Variants in PAK3 observed in about 807,000 individuals in gnomAD.
The protein encoded by PAK3 is serine/threonine-protein kinase PAK 3.
A neutral mutation model predicts 41.0 loss-of-function variants in PAK3; 4 were observed. The observed-to-expected ratio is 0.10, with a 90% CI of 0.05 to 0.22. PAK3 has a LOEUF of 0.22. PAK3 is among the 10% of genes least tolerant of loss of function. The pLI is 1.00. For synonymous variants in PAK3, 146 were observed against 139.6 expected (o/e 1.05, Z -0.32); for missense variants, 205 against 409.9 (o/e 0.50, Z 4.32).
chrX:111,129,995 A>G (rs1439867348), intron 5 of PAK3, among the ~76,000 whole-genome samples: 1 of 112,086 alleles, frequency 8.9e-6, no homozygotes, highest in Non-Finnish European at 1.9e-5. Flanking sequence ...CCACATGATC[A>G]GAAGTGTCTA....
chrX:111,143,835 T>C (rs1251374200), intron 6 of PAK3, among the ~76,000 whole-genome samples: 1 of 112,033 alleles, frequency 8.9e-6, no homozygotes, highest in Non-Finnish European at 1.9e-5. Flanking sequence ...TCTGTGCTTT[T>C]CCTCATTTAA....
chrX:111,023,609 T>C (rs1176664852), intron 1 of PAK3, among the ~76,000 whole-genome samples: 3 of 112,431 alleles, frequency 2.7e-5, no homozygotes, highest in Non-Finnish European at 5.6e-5. Context: ...TAGTATCTCA[T>C]TGTGGTTTTG....
At chrX:110,972,317 C>T (rs1191985884) in intron 1 of PAK3, among the ~76,000 whole-genome samples, 1 of 111,270 alleles carries the variant, frequency 9.0e-6, no homozygotes, top group Admixed American at 9.6e-5. Context: ...GGGACACCTC[C>T]CAGTAGGGAG....
At chrX:111,126,605 A>G (rs1347949733) in intron 5 of PAK3, among the ~76,000 whole-genome samples, 1 of 111,436 alleles carries the variant, frequency 9.0e-6, no homozygotes, top group Non-Finnish European at 1.9e-5. Context: ...CCTCAGTTTC[A>G]TCACCTGTTA....
At chrX:111,181,833 A>C (rs1303146527) in intron 11 of PAK3, among the ~76,000 whole-genome samples, 1 of 110,144 alleles carries the variant, frequency 9.1e-6, no homozygotes, top group Non-Finnish European at 1.9e-5. Context: ...CCACCCCAAA[A>C]GTATTTGCTT....
At position 111,219,238 on chromosome X, in the gene PAK3, G is replaced by T. The variant is rs190191579; in HGVS notation, c.1546-1120G>T. Among the ~76,000 whole-genome samples, 547 of 79,666 alleles carry T rather than the reference G, an allele frequency of 6.9e-3. 2 individuals carry two copies. Among genetic ancestry groups the T allele is most frequent in the Middle Eastern group, 0.025 (4 of 160 alleles). 69.2% of individuals were successfully genotyped at this position (79,666 alleles called of 115,157 possible). ...ATAATAATAATAATAATAATAATAA[G>T]CAAGAGATAAATGTAAGAGACGTTG... is the stretch of plus-strand genomic sequence containing the variant. On this transcript the variant is annotated intron_variant, in intron 17 of 17. Transcript: ENST00000372007.
chrX:110,946,256 C>T, intron 1 of PAK3, among the ~76,000 whole-genome samples: 1 of 110,636 alleles, frequency 9.0e-6, no homozygotes, highest in Middle Eastern at 4.6e-3. Flanking sequence ...GTAGAGAGGT[C>T]ATAGTTAAGT....
At chrX:111,212,729 G>A (rs747778924) in intron 16 of PAK3, among the ~76,000 whole-genome samples, 2 of 111,864 alleles carry the variant, frequency 1.8e-5, no homozygotes, top group African/African-American at 6.5e-5. Context: ...AAATAGATGG[G>A]GATTTTTGTG....
At chrX:111,155,701 T>C (rs1216006245) in intron 8 of PAK3, among the ~76,000 whole-genome samples, 1 of 110,877 alleles carries the variant, frequency 9.0e-6, no homozygotes, top group African/African-American at 3.3e-5. Context: ...AGTTAGAAAA[T>C]GCTTCATATA....
chrX:111,156,577 G>A (rs1425333986), intron 8 of PAK3, among the ~76,000 whole-genome samples: 1 of 112,110 alleles, frequency 8.9e-6, no homozygotes. Context: ...AAAACTCCCA[G>A]TAGATCTGGC....
intron 7 of PAK3, among the ~76,000 whole-genome samples, chrX:111,151,839 G>A (rs1015970184): frequency 5.4e-5 from 6 of 111,612 alleles, no homozygotes; most frequent in South Asian, 3.7e-4. Flanking sequence ...TGATAGCTCC[G>A]CAGTTGTTCT....
intron 8 of PAK3, among the ~76,000 whole-genome samples, chrX:111,159,345 A>G (rs141974941): frequency 0.019 from 2,117 of 111,764 alleles, 23 homozygotes; most frequent in Non-Finnish European, 0.03. Flanking sequence ...TTTTGACTTT[A>G]TAGTTTTCTT....
At chrX:111,131,286 A>G (rs771242692) in intron 5 of PAK3, among the ~76,000 whole-genome samples, 1 of 111,321 alleles carries the variant, frequency 9.0e-6, no homozygotes, top group Admixed American at 9.5e-5. Context: ...CCCTCCCCTT[A>G]GATTCATTCA....
At chrX:110,958,410 AG>A (rs2090910221) in intron 1 of PAK3, among the ~76,000 whole-genome samples, 1 of 111,542 alleles carries the variant, frequency 9.0e-6, no homozygotes, top group African/African-American at 3.3e-5. Flanking sequence ...GAAGAGAAAG[AG>A]GGGCAAGCTA....
chrX:111,069,881 T>C (rs1456029547), intron 1 of PAK3, among the ~76,000 whole-genome samples: 2 of 111,745 alleles, frequency 1.8e-5, no homozygotes, highest in Admixed American at 9.5e-5. Flanking sequence ...GACCCTTAAT[T>C]GGGGTCTTTT....
At chrX:111,000,979 G>A (rs1225289152) in intron 1 of PAK3, among the ~76,000 whole-genome samples, 1 of 111,399 alleles carries the variant, frequency 9.0e-6, no homozygotes, top group African/African-American at 3.3e-5. Flanking sequence ...GTCGTGGAAG[G>A]CCTCACTGAG....
chrX:111,112,503 G>T (rs1357704389), intron 4 of PAK3, among the ~76,000 whole-genome samples: 1 of 110,050 alleles, frequency 9.1e-6, no homozygotes, highest in African/African-American at 3.3e-5. Flanking sequence ...AGAACCTGGT[G>T]AACTCCTACT....
intron 1 of PAK3, among the ~76,000 whole-genome samples, chrX:111,000,994 C>T (rs1026082729): frequency 2.7e-5 from 3 of 111,410 alleles, no homozygotes; most frequent in Non-Finnish European, 5.7e-5. Context: ...ACTGAGATGA[C>T]ATTTGAACAA....
At chrX:111,095,668 C>A (rs1238098224), upstream of PAK3, among the ~76,000 whole-genome samples, 1 of 112,021 alleles carries the variant, frequency 8.9e-6, no homozygotes, top group Non-Finnish European at 1.9e-5. Context: ...TCTAGACTGC[C>A]ATCTCTTTGA....
Sources: allele counts gnomAD v4.1 joint callset (sites outside exome capture counted in the v4.1 genomes callset), GRCh38; gene constraint gnomAD v4.1.1; transcripts MANE v1.5; gene names NCBI Gene and HGNC (gene_info 2026-07-23, HGNC 2026-07-21).